CRYBG1: variants seen among roughly 807,000 people sequenced by gnomAD.
CRYBG1 encodes the protein beta/gamma crystallin domain-containing protein 1.
CRYBG1 carries 139 observed loss-of-function variants against 189.2 expected under a neutral mutation model. The observed-to-expected ratio is 0.73, with a 90% confidence interval of 0.64 to 0.85. The LOEUF is 0.85. Ranked by LOEUF, CRYBG1 falls within the 40% of genes least tolerant of loss-of-function variation. The probability of loss-of-function intolerance (pLI) is 0.00; values close to 1 mark genes in which losing one functional copy is unlikely to be tolerated. For missense variants in CRYBG1, 2,611 were observed against 2,675.8 expected (o/e 0.98, Z 0.53); for synonymous variants, 1,023 against 1,017.1 (o/e 1.01, Z -0.11).
chr6:106,393,664 T>A (rs1770550761), intron 1 of CRYBG1, among the ~76,000 whole-genome samples: 1 of 146,812 alleles, frequency 6.8e-6, no homozygotes, highest in Non-Finnish European at 1.5e-5. Context: ...TTACTCTGTT[T>A]CTTCGTTTCC....
intron 1 of CRYBG1, among the ~76,000 whole-genome samples, chr6:106,424,407 T>G (rs1771188937): frequency 6.6e-6 from 1 of 152,188 alleles, no homozygotes; most frequent in South Asian, 2.1e-4. Flanking sequence ...CCCTTCCCAC[T>G]GCATATGGCC....
intron 1 of CRYBG1, among the ~76,000 whole-genome samples, chr6:106,430,579 A>G (rs183042352): frequency 6.6e-6 from 1 of 152,264 alleles, no homozygotes; most frequent in African/African-American, 2.4e-5. Flanking sequence ...AACGTGTAAC[A>G]TGGCTCCTAC....
intron 1 of CRYBG1, among the ~76,000 whole-genome samples, chr6:106,446,191 A>G (rs1384707105): frequency 2.6e-5 from 4 of 152,194 alleles, no homozygotes; most frequent in African/African-American, 9.7e-5. Flanking sequence ...TGCTCAGTAA[A>G]TGGTTGCTCT....
intron 1 of CRYBG1, among the ~76,000 whole-genome samples, chr6:106,367,356 A>C (rs1360685827): frequency 2.0e-5 from 3 of 152,072 alleles, no homozygotes; most frequent in African/African-American, 7.2e-5. Context: ...TGGGAGGCCA[A>C]AGTGGGCGGA....
rs1054596985 is a variant in CRYBG1 at position 106,521,418 on chromosome 6, A to G, written c.4210A>G (p.Ile1404Val). Residue 1404 changes from isoleucine to valine, a missense_variant, in exon 4 of 22, where the codon ATT becomes GTT. Transcript: ENST00000633556. ...LFKSSRYDPS[I>V]SFSGMSLSDT... The stretch of plus-strand genomic sequence containing the variant: ...CAAATCAAGCCGGTATGACCCAAGC[A>G]TTTCTTTTTCTGGAATGTCATTATC... The G allele has an allele frequency of 3.1e-6, 5 of 1,589,462 alleles. No homozygotes were observed. Among genetic ancestry groups the G allele is most frequent in the Non-Finnish European group, 4.3e-6 (5 of 1,171,362 alleles).
At chr6:106,452,245 A>G (rs74953633) in intron 2 of CRYBG1, among the ~76,000 whole-genome samples, 1,879 of 58,712 alleles carry the variant, frequency 0.032, 42 homozygotes, top group African/African-American at 0.088. Flanking sequence ...AGACTCTACT[A>G]AAAAAAAAAA....
In CRYBG1 at chr6:106,519,690, C is replaced by T. The variant is rs140934013; in HGVS notation, c.2482C>T (p.Leu828Phe). 7.4e-5 allele frequency: 119 copies of T among 1,614,166 alleles called. 1 individual carries two copies. The South Asian group carries it at 9.9e-4, about 13-fold the overall frequency. ...SEAADSKSLVLENVTDTAQDI... is the reference protein window; with the variant it reads ...SEAADSKSLVFENVTDTAQDI... ...GGCTGCAGACAGCAAAAGCCTTGTA[C>T]TTGAAAATGTAACCGATACAGCACA... Residue 828 changes from leucine (L) to phenylalanine (F), a missense_variant, in exon 4 of 22, where the codon CTT becomes TTT. By Grantham distance (22) the Leu-to-Phe change is conservative. This residue lies in a region of CRYBG1 where 1,622 missense variants were observed against 1,735.0 expected (regional missense o/e 0.93). Coordinates refer to ENST00000633556, the MANE Select transcript of CRYBG1 (RefSeq NM_001371242.2).
intron 20 of CRYBG1, among the ~76,000 whole-genome samples, chr6:106,562,044 T>C (rs1380319435): frequency 6.6e-6 from 1 of 152,180 alleles, no homozygotes; most frequent in African/African-American, 2.4e-5. Context: ...CTCATGCTTC[T>C]ATGGTAGATA....
At chr6:106,363,136 C>T (rs993745670) in intron 1 of CRYBG1, among the ~76,000 whole-genome samples, 25 of 147,898 alleles carry the variant, frequency 1.7e-4, no homozygotes, top group Middle Eastern at 3.4e-3. Flanking sequence ...CCCAGCTACA[C>T]GGGAGGCTGA....
intron 2 of CRYBG1, among the ~76,000 whole-genome samples, chr6:106,465,946 A>G (rs1288777447): frequency 2.0e-5 from 3 of 152,184 alleles, no homozygotes; most frequent in Admixed American, 6.5e-5. Context: ...ATTCTTATCT[A>G]TCTGTGCATT....
chr6:106,441,466 T>C (rs1333997401), intron 1 of CRYBG1, among the ~76,000 whole-genome samples: 1 of 152,216 alleles, frequency 6.6e-6, no homozygotes, highest in Non-Finnish European at 1.5e-5. Flanking sequence ...TTCACAGCCA[T>C]TCTATTGTCT....
chr6:106,495,627 A>C (rs1217319932), intron 2 of CRYBG1, among the ~76,000 whole-genome samples: 1 of 152,080 alleles, frequency 6.6e-6, no homozygotes. Flanking sequence ...GCAGAAATAA[A>C]AATGTCCAGT....
chr6:106,542,017 C>T (rs1260525967), intron 10 of CRYBG1, among the ~76,000 whole-genome samples: 1 of 152,086 alleles, frequency 6.6e-6, no homozygotes, highest in Non-Finnish European at 1.5e-5. Context: ...TTCCCAATTC[C>T]CACATCGATG....
chr6:106,465,424 C>T (rs6900490), intron 2 of CRYBG1, among the ~76,000 whole-genome samples: 82,866 of 151,958 alleles, frequency 0.55, 22,717 homozygotes, highest in Middle Eastern at 0.66. Context: ...TTAGATAGTG[C>T]TCTGTGGAGC....
intron 2 of CRYBG1, among the ~76,000 whole-genome samples, chr6:106,478,719 A>C (rs1772384661): frequency 1.3e-5 from 2 of 152,206 alleles, no homozygotes; most frequent in African/African-American, 4.8e-5. Flanking sequence ...ATGGGCATGC[A>C]AGCAAAGCTT....
At chr6:106,372,666 G>C (rs1449533209) in intron 1 of CRYBG1, among the ~76,000 whole-genome samples, 1 of 152,164 alleles carries the variant, frequency 6.6e-6, no homozygotes, top group Non-Finnish European at 1.5e-5. Flanking sequence ...CGGGAATGAA[G>C]GGAAAGGATT....
chr6:106,392,905 G>A (rs1287709630), intron 1 of CRYBG1, among the ~76,000 whole-genome samples: 1 of 152,048 alleles, frequency 6.6e-6, no homozygotes, highest in Non-Finnish European at 1.5e-5. Context: ...CTCCCGAGTA[G>A]CTAGGGTTAT....
chr6:106,436,304 T>C (rs201946107), intron 1 of CRYBG1, among the ~76,000 whole-genome samples: 84,150 of 147,308 alleles, frequency 0.57, 24,514 homozygotes, highest in East Asian at 0.74. Flanking sequence ...TCTTTTTTTT[T>C]TTTTTTTTTT....
At chr6:106,451,940 T>C in intron 2 of CRYBG1, 108 bp downstream of exon 2, 6 of 735,724 alleles carry the variant, frequency 8.2e-6, no homozygotes, top group East Asian at 3.6e-5. Context: ...TAATGGTATA[T>C]ATTGTATATC....
Sources: gnomAD v4.1 joint callset for allele counts (sites outside exome capture counted in the v4.1 genomes callset) on GRCh38, gnomAD v4.1.1 for gene constraint, gnomAD v4.1.1 regional missense constraint, MANE v1.5 for transcripts, NCBI Gene and HGNC (gene_info 2026-07-23, HGNC 2026-07-21) for gene names.